Variants in EYA1 observed in about 807,000 individuals in gnomAD.
EYA1 encodes protein phosphatase EYA1.
A neutral mutation model predicts 82.0 loss-of-function variants in EYA1; 16 were observed. The ratio of observed to expected loss-of-function variants is 0.20; its 90% CI spans 0.13 to 0.30. The LOEUF is 0.30. Among genes scored for constraint, EYA1 ranks in the 10% least tolerant of loss-of-function variants. EYA1 has a pLI of 1.00. For synonymous variants in EYA1, 261 were observed against 264.4 expected (o/e 0.99, Z 0.12); for missense variants, 633 against 730.7 (o/e 0.87, Z 1.54).
chr8:71,237,019 T>G (rs1811920841), intron 12 of EYA1, among the ~76,000 whole-genome samples: 1 of 152,150 alleles, frequency 6.6e-6, no homozygotes, highest in African/African-American at 2.4e-5. Flanking sequence ...CCTTTGCCTA[T>G]TTCATGTGCA....
intron 3 of EYA1, among the ~76,000 whole-genome samples, chr8:71,348,149 C>T (rs1380064078): frequency 1.3e-5 from 2 of 152,020 alleles, no homozygotes; most frequent in Non-Finnish European, 2.9e-5. Context: ...ATATTGTACG[C>T]TTAGAGTGAA....
intron 2 of EYA1, among the ~76,000 whole-genome samples, chr8:71,458,754 A>G (rs181098853): frequency 6.6e-6 from 1 of 152,256 alleles, no homozygotes; most frequent in African/African-American, 2.4e-5. Flanking sequence ...GCTTACAGGA[A>G]GAGCTCCTGA....
chr8:71,467,599 T>G (rs1213887869), intron 2 of EYA1, among the ~76,000 whole-genome samples: 1 of 152,174 alleles, frequency 6.6e-6, no homozygotes, highest in East Asian at 1.9e-4. Flanking sequence ...TAATTAATTT[T>G]GAGAGTTTCT....
intron 2 of EYA1, among the ~76,000 whole-genome samples, chr8:71,462,673 C>T (rs1325407944): frequency 1.3e-5 from 2 of 152,222 alleles, no homozygotes; most frequent in Non-Finnish European, 2.9e-5. Flanking sequence ...GCTCTGCCTT[C>T]TCCCTGTGCC....
chr8:71,486,378 G>A lies in EYA1; in HGVS notation c.33+49366C>T, dbSNP rs561634153. Among the ~76,000 whole-genome samples, 216 of 152,328 alleles carry A rather than the reference G, an allele frequency of 1.4e-3. 2 individuals are homozygous for A. The highest frequency in any genetic ancestry group is 4.9e-3 in the African/African-American group (203 of 41,556). ...GAAGAAACTGAGGTGTTAGGAGAAAGCATTCGTTTCCCCTCATGCTCCTAC... is the reference window on the plus strand; with the variant it reads ...GAAGAAACTGAGGTGTTAGGAGAAAACATTCGTTTCCCCTCATGCTCCTAC... On this transcript the variant is annotated intron_variant, in intron 2 of 18. Transcript: ENST00000643681.
chr8:71,258,666 C>A (rs1814733272), intron 11 of EYA1, among the ~76,000 whole-genome samples: 1 of 152,170 alleles, frequency 6.6e-6, no homozygotes, highest in African/African-American at 2.4e-5. Context: ...ATTCTAGTGA[C>A]TAGGTTAAAC....
intron 2 of EYA1, among the ~76,000 whole-genome samples, chr8:71,464,128 CCCTCCT>C (rs1808610511): frequency 6.6e-6 from 1 of 152,142 alleles, no homozygotes; most frequent in Admixed American, 6.5e-5. Flanking sequence ...CACCCTATTA[CCCTCCT>C]CAGGCGCTGC....
Position 71,356,461 on chromosome 8 carries a change from C to T in EYA1, c.-5+1G>A. The T allele has an allele frequency of 6.3e-7, 1 of 1,583,722 alleles. No homozygotes were observed. The stretch of plus-strand genomic sequence containing the variant: ...ATGTCAAATATCAACAATATCCTTA[C>T]CTGCAACTTGAGGAAACAGCAACAT... On this transcript the variant is annotated splice_donor_variant, in intron 2 of 17. Transcript: ENST00000340726. LOFTEE classifies it low-confidence loss of function (5UTR_SPLICE).
chr8:71,270,777 C>T (rs1242927933), intron 10 of EYA1, among the ~76,000 whole-genome samples: 1 of 152,156 alleles, frequency 6.6e-6, no homozygotes, highest in African/African-American at 2.4e-5. Context: ...CAGTTTAGAA[C>T]ATTCCAGGTT....
chr8:71,212,746 C>A (rs932812468), intron 16 of EYA1, among the ~76,000 whole-genome samples: 30 of 152,178 alleles, frequency 2.0e-4, no homozygotes, highest in African/African-American at 7.2e-4. Context: ...AACTGAGATA[C>A]CAGTCATCTC....
chr8:71,215,252 A>C (rs1334499446), intron 16 of EYA1, 135 bp downstream of exon 16: 4 of 856,934 alleles, frequency 4.7e-6, no homozygotes, highest in Non-Finnish European at 7.4e-6. Context: ...AGTTTTGCAA[A>C]TTGGTTAAAT....
intron 2 of EYA1, among the ~76,000 whole-genome samples, chr8:71,395,481 A>G (rs1829542311): frequency 1.3e-5 from 2 of 152,254 alleles, no homozygotes; most frequent in Admixed American, 1.3e-4. Context: ...TACCGAGTTT[A>G]TTGAGAGTTT....
intron 9 of EYA1, among the ~76,000 whole-genome samples, chr8:71,275,561 G>C (rs1021045060): frequency 5.9e-5 from 9 of 152,156 alleles, no homozygotes; most frequent in African/African-American, 1.7e-4. Context: ...GTGTACAAGG[G>C]TTGGGCACAG....
At chr8:71,236,524 T>C (rs1811857694) in intron 12 of EYA1, among the ~76,000 whole-genome samples, 1 of 152,216 alleles carries the variant, frequency 6.6e-6, no homozygotes, top group African/African-American at 2.4e-5. Flanking sequence ...TAATCTGTTA[T>C]TGGATATTTA....
At chr8:71,491,372 G>C (rs1471751577) in intron 2 of EYA1, among the ~76,000 whole-genome samples, 1 of 152,208 alleles carries the variant, frequency 6.6e-6, no homozygotes, top group Non-Finnish European at 1.5e-5. Flanking sequence ...ACAGAGAAGA[G>C]GATATTTAAT....
rs533816695 is a variant in EYA1, at chr8:71,266,542, T to A, written c.1050+3198A>T. Among the ~76,000 whole-genome samples, 9 of 152,300 alleles carry A rather than the reference T, an allele frequency of 5.9e-5. No homozygotes were observed. The East Asian group carries it at 1.7e-3, about 29-fold the overall frequency. On this transcript the variant is annotated intron_variant, in intron 11 of 17. Coordinates refer to ENST00000340726, the MANE Select transcript of EYA1 (RefSeq NM_000503.6). ...AAACCATGCATCTTCAAAAGTCACC[T>A]GGCCAGGAAAAGACACCTCCAGGCA... is the stretch of plus-strand genomic sequence containing the variant.
chr8:71,303,021 T>A (rs1424807363), intron 7 of EYA1, among the ~76,000 whole-genome samples: 2 of 142,462 alleles, frequency 1.4e-5, no homozygotes, highest in African/African-American at 5.0e-5. Context: ...GTGACTCCAA[T>A]GCACCCGGGC....
intron 2 of EYA1, among the ~76,000 whole-genome samples, chr8:71,492,343 TAA>T (rs1159423686): frequency 1.3e-5 from 2 of 152,202 alleles, no homozygotes; most frequent in African/African-American, 2.4e-5. Context: ...AATATATTTT[TAA>T]TGGACTAAGA....
chr8:71,329,046 G>GGAA (rs1240303244), intron 4 of EYA1, among the ~76,000 whole-genome samples: 1 of 152,180 alleles, frequency 6.6e-6, no homozygotes, highest in Admixed American at 6.5e-5. Flanking sequence ...CAGTTTAGCA[G>GGAA]GAAGACAGAG....
Sources: allele counts gnomAD v4.1 joint callset (sites outside exome capture counted in the v4.1 genomes callset), GRCh38; gene constraint gnomAD v4.1.1; transcripts MANE v1.5; gene names NCBI Gene and HGNC (gene_info 2026-07-23, HGNC 2026-07-21).